The following MUC20 variants were observed in gnomAD, a reference collection of about 807,000 sequenced individuals.
The protein encoded by MUC20 is mucin-20.
Under a neutral mutation model 23.8 loss-of-function variants are expected in MUC20, and 14 were observed. The ratio of observed to expected loss-of-function variants is 0.59; its 90% CI spans 0.39 to 0.92. The LOEUF (loss-of-function observed/expected upper bound fraction) is 0.92, where lower values mean the gene tolerates loss of function less well. Among genes scored for constraint, MUC20 ranks in the 40% least tolerant of loss-of-function variants. The pLI, the probability that MUC20 is intolerant of heterozygous loss-of-function variation, is 0.00. For missense variants in MUC20, 375 were observed against 668.8 expected, an observed-to-expected ratio of 0.56 and a Z score of 4.85; for synonymous variants, 166 against 279.3, an observed-to-expected ratio of 0.59 and a Z score of 4.04.
intron 2 of MUC20, among the ~76,000 whole-genome samples, chr3:195,727,179 C>CT (rs1712784180): frequency 6.6e-6 from 1 of 152,280 alleles, no homozygotes; most frequent in Non-Finnish European, 1.5e-5. Flanking sequence ...GCCGGCGGAT[C>CT]ACCTGAGGTC....
chr3:195,728,628 A>G (rs1337136475), intron 2 of MUC20, among the ~76,000 whole-genome samples: 1 of 151,896 alleles, frequency 6.6e-6, no homozygotes, highest in Non-Finnish European at 1.5e-5. Context: ...CCTCTATCTC[A>G]ACTGCAAGAG....
In MUC20 at chr3:195,725,949, G is replaced by A; in HGVS notation, c.1346G>A (p.Gly449Glu). The A allele has an allele frequency of 6.2e-7, 1 of 1,613,766 alleles. No individual in the cohort carries two copies. The highest frequency in any genetic ancestry group is 2.2e-5 in the East Asian group (1 of 44,876). ...ASDTDLIPTE[G>E]VKASSTSDPP... ...GACACAGATCTCATCCCCACGGAAG[G>A]GGTGAAGGCCTCGTCCACCTCCGAT... The change falls in exon 2 of 4, where the codon GGG becomes GAG. Residue 449 changes from glycine (G) to glutamate (E), a missense_variant. Gly to Glu is a moderately conservative substitution (Grantham distance 98, BLOSUM62 -2). Around this residue, in one of 4 missense-constraint regions of MUC20, gnomAD observed 343 missense variants for 340.2 expected, o/e 1.01. Coordinates refer to ENST00000447234, the MANE Select transcript of MUC20 (RefSeq NM_001282506.2).
At position 195,733,216 on chromosome 3, in the gene MUC20, T is replaced by G; in HGVS notation, c.2128T>G (p.Ter710GluextTer19). The G allele has an allele frequency of 6.3e-7, 1 of 1,589,726 alleles. No homozygotes were observed. Among genetic ancestry groups the G allele is most frequent in the South Asian group, 1.2e-5 (1 of 86,350 alleles). Residue 710 changes from the stop codon to glutamate, a stop_lost, in exon 4 of 4, where the codon TAA becomes GAA. Transcript: ENST00000447234. ...QVSLLRVRRG[*>E] Reference sequence around the variant, plus strand: ...CTCCTTACTGCGTGTCAGGAGAGGCTAACGGACATCAGCTGCAGCCAGGCA... The same window carrying G: ...CTCCTTACTGCGTGTCAGGAGAGGCGAACGGACATCAGCTGCAGCCAGGCA...
In MUC20 at chr3:195,729,720, C is replaced by A. The variant is rs779625560; in HGVS notation, c.2042C>A (p.Ala681Glu). Reference sequence around the variant, plus strand: ...GAAGACCTCACTGACCCCAGAGTGGCAGAAAGGCTGATGCAGCAGGTGAGT... The same window carrying A: ...GAAGACCTCACTGACCCCAGAGTGGAAGAAAGGCTGATGCAGCAGGTGAGT... ...SPEDLTDPRV[A>E]ERLMQQLHRE... Residue 681 changes from alanine to glutamate, a missense_variant, in exon 3 of 4, where the codon GCA becomes GAA. Physicochemically the swap from Ala to Glu is moderately radical, Grantham distance 107. Coordinates refer to ENST00000447234, the MANE Select transcript of MUC20 (RefSeq NM_001282506.2). 5 of 1,597,558 alleles carry A rather than the reference C, an allele frequency of 3.1e-6. No individual in the cohort carries two copies. Among genetic ancestry groups the A allele is most frequent in the South Asian group, 2.3e-5 (2 of 88,226 alleles).
chr3:195,728,481 A>G (rs1712971323), intron 2 of MUC20, among the ~76,000 whole-genome samples: 1 of 152,302 alleles, frequency 6.6e-6, no homozygotes, highest in African/African-American at 2.4e-5. Flanking sequence ...AAAGAATAAT[A>G]AAGCAGCATT....
At chr3:195,727,569 G>A (rs527627406) in intron 2 of MUC20, among the ~76,000 whole-genome samples, 6 of 152,382 alleles carry the variant, frequency 3.9e-5, no homozygotes, top group South Asian at 4.1e-4. Context: ...CTGTGTATCC[G>A]CAGCTTGTTA....
At position 195,728,829 on chromosome 3, in the gene MUC20, G is replaced by A. The variant is rs532417137; in HGVS notation, c.1970-819G>A. Among the ~76,000 whole-genome samples, 12 of 152,290 alleles carry A rather than the reference G, an allele frequency of 7.9e-5. No homozygotes were observed. The South Asian group carries it at 2.3e-3, about 29-fold the overall frequency. On this transcript the variant is annotated intron_variant, in intron 2 of 3. Coordinates refer to ENST00000447234, the MANE Select transcript of MUC20 (RefSeq NM_001282506.2). ...CAGTGCATTGTGCCCCTGGTTTATTGAGACTAGAGAATGGCGATGACTTCT... is the reference window on the plus strand; with the variant it reads ...CAGTGCATTGTGCCCCTGGTTTATTAAGACTAGAGAATGGCGATGACTTCT...
intron 2 of MUC20, among the ~76,000 whole-genome samples, chr3:195,728,654 T>C (rs1212504983): frequency 6.6e-6 from 1 of 152,008 alleles, no homozygotes; most frequent in African/African-American, 2.4e-5. Context: ...CCTCTTTTAC[T>C]AATCCACCTC....
At chr3:195,728,436 TTA>T (rs1450836373) in intron 2 of MUC20, among the ~76,000 whole-genome samples, 2 of 152,284 alleles carry the variant, frequency 1.3e-5, no homozygotes, top group African/African-American at 4.8e-5. Context: ...TAGGCCAGAT[TTA>T]TGTTTCTCTC....
Position 195,726,587 on chromosome 3 carries a change from C to T in MUC20, c.1969+15C>T. On this transcript the variant is annotated intron_variant, in intron 2 of 3. Transcript: ENST00000447234. ...CGTGAGTGCAGGTAAGTGGCTCCTG[C>T]TGGTGATCTTCGGGGATTTGGGATG... 1 of 1,599,318 alleles carries T rather than the reference C, an allele frequency of 6.3e-7. No individual in the cohort carries two copies. The highest frequency in any genetic ancestry group is 8.5e-7 in the Non-Finnish European group (1 of 1,170,314).
chr3:195,726,544 G>T lies in MUC20; in HGVS notation c.1941G>T (p.Arg647=), dbSNP rs1358249768. 6.2e-7 allele frequency: 1 copy of T among 1,613,736 alleles called. No individual in the cohort carries two copies. The highest frequency in any genetic ancestry group is 1.3e-5 in the African/African-American group (1 of 74,958). ...KPPTATPTTA[R]TRPTTDVSAG... The stretch of plus-strand genomic sequence containing the variant: ...CAACAGCCACGCCCACGACTGCCCG[G>T]ACGAGGCCGACCACAGACGTGAGTG... The change falls in exon 2 of 4, where the codon CGG becomes CGT. Residue 647 remains arginine (R), a synonymous_variant. Transcript: ENST00000447234.
intron 2 of MUC20, among the ~76,000 whole-genome samples, chr3:195,729,079 T>G (rs1713070060): frequency 6.6e-6 from 1 of 152,292 alleles, no homozygotes; most frequent in African/African-American, 2.4e-5. Flanking sequence ...GTCTGATCGC[T>G]CCTTCTTTTC....
At chr3:195,730,586 G>A (rs548058991) in intron 3 of MUC20, among the ~76,000 whole-genome samples, 96 of 152,102 alleles carry the variant, frequency 6.3e-4, no homozygotes, top group African/African-American at 1.9e-3. Flanking sequence ...TCCTGACCTC[G>A]TGATCCACCC....
In MUC20 at chr3:195,722,104, C is replaced by T. The variant is rs545939285; in HGVS notation, c.76+1021C>T. 1.9e-5 allele frequency: 7 copies of T among 359,374 alleles called. No individual in the cohort carries two copies. In the South Asian group the frequency reaches 8.4e-4, roughly 43 times the overall value. 22.3% of individuals were successfully genotyped at this position (359,374 alleles called of 1,614,324 possible). A position where few individuals can be genotyped will look rare whatever the true frequency, so the allele number is the denominator to read the frequency against. On this transcript the variant is annotated intron_variant, in intron 1 of 3. Coordinates refer to ENST00000447234, the MANE Select transcript of MUC20 (RefSeq NM_001282506.2). ...ACAGCCTCCCCCATCATCAGCGTCCCCCACCAGAGTGGCACATTTGATAGG... is the reference window on the plus strand; with the variant it reads ...ACAGCCTCCCCCATCATCAGCGTCCTCCACCAGAGTGGCACATTTGATAGG...
At chr3:195,731,263 T>C (rs1713360872) in intron 3 of MUC20, among the ~76,000 whole-genome samples, 1 of 152,266 alleles carries the variant, frequency 6.6e-6, no homozygotes, top group South Asian at 2.1e-4. Context: ...TCAGGCTTCC[T>C]GTCATCCCTT....
intron 3 of MUC20, among the ~76,000 whole-genome samples, chr3:195,732,642 G>A (rs898682615): frequency 6.6e-6 from 1 of 152,260 alleles, no homozygotes; most frequent in Admixed American, 6.5e-5. Flanking sequence ...TTATTGGCGT[G>A]AGCCACCGCA....
intron 3 of MUC20, among the ~76,000 whole-genome samples, chr3:195,732,272 G>A (rs1713469282): frequency 6.6e-6 from 1 of 152,234 alleles, no homozygotes; most frequent in African/African-American, 2.4e-5. Context: ...GCCTCCCAAA[G>A]TGCTGGGATT....
Position 195,726,116 on chromosome 3 carries a change from G to A in MUC20, c.1513G>A (p.Ala505Thr), listed in dbSNP as rs9866681. The A allele has an allele frequency of 0.14, 183,697 of 1,346,390 alleles. 2,428 individuals carry two copies. Among genetic ancestry groups the A allele is most frequent in the East Asian group, 0.41 (17,263 of 41,982 alleles). 83.4% of individuals were successfully genotyped at this position (1,346,390 alleles called of 1,614,324 possible). Reference protein sequence around the residue: ...TVGTPLPTNSATEREVTAPGA... With the variant: ...TVGTPLPTNSTTEREVTAPGA... Reference sequence around the variant, plus strand: ...TGGGACCCCACTCCCCACTAACAGCGCCACAGAAAGAGAAGTGACAGCACC... The same window carrying A: ...TGGGACCCCACTCCCCACTAACAGCACCACAGAAAGAGAAGTGACAGCACC... Residue 505 changes from alanine (A) to threonine (T), a missense_variant, in exon 2 of 4, where the codon GCC (alanine) becomes ACC (threonine). Physicochemically the swap from Ala to Thr is moderately conservative, Grantham distance 58. Transcript: ENST00000447234.
At chr3:195,723,185 A>G in intron 1 of MUC20, among the ~76,000 whole-genome samples, 1 of 150,600 alleles carries the variant, frequency 6.6e-6, no homozygotes, top group East Asian at 1.9e-4. Flanking sequence ...CGTGGGCGGC[A>G]CAGCGGGAGC....
Sources: gnomAD v4.1 joint callset for allele counts (sites outside exome capture counted in the v4.1 genomes callset) on GRCh38, gnomAD v4.1.1 for gene constraint, gnomAD v4.1.1 regional missense constraint, MANE v1.5 for transcripts, NCBI Gene and HGNC (gene_info 2026-07-23, HGNC 2026-07-21) for gene names.